RERE: variants seen among roughly 807,000 people sequenced by gnomAD.
RERE encodes arginine-glutamic acid dipeptide repeats, also known as arginine-glutamic acid dipeptide repeats protein.
In RERE, 40 loss-of-function variants were observed where a neutral mutation model predicts 146.1. The ratio of observed to expected loss-of-function variants is 0.27; its 90% CI spans 0.21 to 0.36. The LOEUF (loss-of-function observed/expected upper bound fraction) is 0.36. Ranked by LOEUF, RERE falls within the 10% of genes least tolerant of loss-of-function variation. The pLI, the probability that RERE is intolerant of heterozygous loss-of-function variation, is 1.00. For synonymous variants in RERE, 1,003 were observed against 866.0 expected, an observed-to-expected ratio of 1.16 and a Z score of -2.78; for missense variants, 1,933 against 2,138.7, an observed-to-expected ratio of 0.90 and a Z score of 1.90.
chr1:8,685,287 A>G (rs1399802835), intron 1 of RERE, among the ~76,000 whole-genome samples: 2 of 152,258 alleles, frequency 1.3e-5, no homozygotes, highest in Non-Finnish European at 2.9e-5. Flanking sequence ...ATATTTGCTA[A>G]ATAACGGTAA....
intron 7 of RERE, among the ~76,000 whole-genome samples, chr1:8,526,293 CTTTT>C (rs34947776): frequency 1.4e-5 from 2 of 141,830 alleles, no homozygotes; most frequent in Non-Finnish European, 3.1e-5. Context: ...CAAGTTTTGT[CTTTT>C]TTTTTTTTTT....
At chr1:8,458,909 T>C (rs1005835506) in intron 11 of RERE, among the ~76,000 whole-genome samples, 1 of 152,244 alleles carries the variant, frequency 6.6e-6, no homozygotes, top group African/African-American at 2.4e-5. Flanking sequence ...TCCCTTCTAA[T>C]AAAATGCTTG....
chr1:8,561,187 T>C (rs1284600209), intron 4 of RERE, among the ~76,000 whole-genome samples: 1 of 152,194 alleles, frequency 6.6e-6, no homozygotes, highest in African/African-American at 2.4e-5. Context: ...TACTTTACAA[T>C]GGCAGTGAAG....
chr1:8,397,271 T>C (rs1643088090), intron 12 of RERE, among the ~76,000 whole-genome samples: 1 of 150,794 alleles, frequency 6.6e-6, no homozygotes, highest in Non-Finnish European at 1.5e-5. Context: ...GGAGATGCTA[T>C]GAAGGTTAAG....
intron 1 of RERE, among the ~76,000 whole-genome samples, chr1:8,675,385 T>C (rs1218875465): frequency 1.3e-5 from 2 of 149,378 alleles, no homozygotes; most frequent in African/African-American, 5.0e-5. Context: ...AGGCCCAGAA[T>C]GGTGGCTCAT....
intron 2 of RERE, among the ~76,000 whole-genome samples, chr1:8,653,859 G>GAC (rs1203340152): frequency 1.3e-5 from 2 of 152,026 alleles, no homozygotes; most frequent in Non-Finnish European, 2.9e-5. Flanking sequence ...GATAAATACA[G>GAC]ACAGTACTGT....
intron 6 of RERE, among the ~76,000 whole-genome samples, chr1:8,547,866 C>T (rs1275071365): frequency 1.3e-5 from 2 of 152,200 alleles, no homozygotes; most frequent in Non-Finnish European, 2.9e-5. Flanking sequence ...TATAAATGCA[C>T]CCTGACGTTC....
intron 11 of RERE, chr1:8,424,157 G>C (rs1018408034): frequency 3.9e-5 from 6 of 152,156 alleles, no homozygotes; most frequent in South Asian, 4.1e-4. Context: ...GCTGCGAAAC[G>C]GGGGGCTGGC....
chr1:8,745,645 CCTT>C, intron 1 of RERE, among the ~76,000 whole-genome samples: 1 of 152,320 alleles, frequency 6.6e-6, no homozygotes, highest in Non-Finnish European at 1.5e-5. Flanking sequence ...AGTCTAAACT[CCTT>C]AATACTCTAA....
chr1:8,620,442 A>G (rs1249505918), intron 3 of RERE, among the ~76,000 whole-genome samples: 2 of 152,154 alleles, frequency 1.3e-5, no homozygotes, highest in Non-Finnish European at 2.9e-5. Context: ...TGCTCTTGTC[A>G]TTCAGGTAAT....
rs192364266 is a variant in RERE, at chr1:8,364,712, C to T, written c.1540+34G>A. ...CAGAACATGGAAGTGCTTGTGCCCC[C>T]GCCCCGCCCCAGGAGCGTGACGAGG... On this transcript the variant is annotated intron_variant, in intron 14 of 22. Transcript: ENST00000400908. The surrounding 1 kb of genome is among the most constrained non-coding windows in gnomAD (Gnocchi z 5.1). The T allele has an allele frequency of 1.9e-5, 29 of 1,531,442 alleles. No individual in the cohort carries two copies. Among genetic ancestry groups the T allele is most frequent in the Non-Finnish European group, 2.4e-5 (26 of 1,105,064 alleles). The allele number at this position is 1,531,442 out of a possible 1,614,324, so 94.9% of individuals were successfully genotyped here.
intron 2 of RERE, among the ~76,000 whole-genome samples, chr1:8,653,582 C>T (rs1046506611): frequency 2.0e-5 from 3 of 150,868 alleles, no homozygotes; most frequent in Non-Finnish European, 4.4e-5. Flanking sequence ...GTAGTCCCAG[C>T]TACTGGGGAG....
intron 2 of RERE, among the ~76,000 whole-genome samples, chr1:8,636,403 A>T (rs1238361960): frequency 2.0e-5 from 3 of 152,120 alleles, no homozygotes; most frequent in Non-Finnish European, 4.4e-5. Context: ...GCATGGTGGC[A>T]CATGCTTGTA....
At chr1:8,494,983 G>C (rs1045360334) in intron 10 of RERE, 80 bp downstream of exon 10, 2 of 1,039,796 alleles carry the variant, frequency 1.9e-6, no homozygotes, top group Non-Finnish European at 3.0e-6. Flanking sequence ...TTCATGCTCC[G>C]CACTCATCAC....
intron 1 of RERE, among the ~76,000 whole-genome samples, chr1:8,801,238 C>T (rs116200673): frequency 0.011 from 1,604 of 151,292 alleles, 29 homozygotes; most frequent in African/African-American, 0.037. Context: ...CCAACCTGGA[C>T]GGCAAAACAA....
In RERE at chr1:8,697,390, A is replaced by C. The variant is rs866338238; in HGVS notation, c.-144-40949T>G. Among the ~76,000 whole-genome samples, 612 of 89,952 alleles carry C rather than the reference A, an allele frequency of 6.8e-3. 3 individuals carry two copies. The highest frequency in any genetic ancestry group is 0.021 in the African/African-American group (504 of 23,794). 59.0% of individuals were successfully genotyped at this position (89,952 alleles called of 152,430 possible). ...TTCTTCCCCCAACCACACCCCCCCCACACAACTTTTTTTTTTTTTTGAGAC... is the reference window on the plus strand; with the variant it reads ...TTCTTCCCCCAACCACACCCCCCCCCCACAACTTTTTTTTTTTTTTGAGAC... On this transcript the variant is annotated intron_variant, in intron 1 of 22. Coordinates refer to ENST00000400908, the MANE Select transcript of RERE (RefSeq NM_001042681.2).
chr1:8,541,104 T>C (rs577965134), intron 7 of RERE, 110 bp downstream of exon 7: 11 of 502,896 alleles, frequency 2.2e-5, no homozygotes, highest in African/African-American at 5.8e-5. Flanking sequence ...TTTAAGTATG[T>C]TACTAGTGTA....
At chr1:8,612,238 T>C (rs1294307904) in intron 4 of RERE, among the ~76,000 whole-genome samples, 1 of 152,306 alleles carries the variant, frequency 6.6e-6, no homozygotes, top group South Asian at 2.1e-4. Context: ...TGCAACCCTG[T>C]AATCAATTTT....
At chr1:8,612,819 T>C (rs764092469) in intron 4 of RERE, among the ~76,000 whole-genome samples, 8 of 152,182 alleles carry the variant, frequency 5.3e-5, no homozygotes, top group South Asian at 4.1e-4. Flanking sequence ...GGTAGTCACA[T>C]TGGGAATCTA....
Sources: allele counts gnomAD v4.1 joint callset (sites outside exome capture counted in the v4.1 genomes callset), GRCh38; gene constraint gnomAD v4.1.1; non-coding constraint Gnocchi (gnomAD v3.1); transcripts MANE v1.5; gene names NCBI Gene and HGNC (gene_info 2026-07-23, HGNC 2026-07-21).